The following STK32B variants were observed in gnomAD, a reference collection of about 807,000 sequenced individuals.
STK32B encodes the protein serine/threonine-protein kinase 32B.
A neutral mutation model predicts 52.6 loss-of-function variants in STK32B; 43 were observed. That is an observed-to-expected ratio of 0.82 (90% CI 0.64 to 1.05). The LOEUF is 1.05. STK32B is among the 50% of genes least tolerant of loss of function. STK32B has a pLI of 0.00. For missense variants in STK32B, 621 were observed against 534.6 expected (o/e 1.16, Z -1.59); for synonymous variants, 238 against 204.3 (o/e 1.17, Z -1.41).
chr4:5,346,703 G>A (rs575678760), intron 4 of STK32B, among the ~76,000 whole-genome samples: 11 of 152,304 alleles, frequency 7.2e-5, no homozygotes, highest in African/African-American at 2.6e-4. Flanking sequence ...TAACAAGGAG[G>A]AGTGCTCACC....
intron 7 of STK32B, among the ~76,000 whole-genome samples, chr4:5,450,011 C>T (rs1046074752): frequency 4.6e-5 from 7 of 152,224 alleles, no homozygotes; most frequent in East Asian, 1.9e-4. Context: ...AAACCATCCC[C>T]GCAACCCTAG....
intron 3 of STK32B, among the ~76,000 whole-genome samples, chr4:5,258,886 A>G (rs924698202): frequency 1.3e-5 from 2 of 152,196 alleles, no homozygotes; most frequent in Admixed American, 1.3e-4. Flanking sequence ...GGTAAAGCTG[A>G]ATTTCCAGCA....
At chr4:5,110,272 CA>C (rs367760309) in intron 1 of STK32B, among the ~76,000 whole-genome samples, 41,788 of 106,500 alleles carry the variant, frequency 0.39, 6,821 homozygotes, top group South Asian at 0.45. Flanking sequence ...CATATGGAAC[CA>C]AAAAAAAAAA....
chr4:5,119,366 G>A (rs962874254), intron 1 of STK32B, among the ~76,000 whole-genome samples: 2 of 152,200 alleles, frequency 1.3e-5, no homozygotes, highest in African/African-American at 2.4e-5. Flanking sequence ...TCCCACCAAC[G>A]GGGCTTTAGA....
At position 5,400,333 on chromosome 4, in the gene STK32B, C is replaced by T. The variant is rs1737209339; in HGVS notation, c.472+2089C>T. On this transcript the variant is annotated intron_variant, in intron 5 of 11. Transcript: ENST00000282908. This position sits in a 1 kb window ranked among gnomAD's most constrained non-coding sequence, Gnocchi z 6.1. ...TTCTGTACCCATTCTCAGCCTCCAC[C>T]TCAGCCTTCCCCACATTCTTTCTGC... Among the ~76,000 whole-genome samples the T allele has an allele frequency of 6.6e-6, 1 of 152,172 alleles. No homozygotes were observed. Among genetic ancestry groups the T allele is most frequent in the Non-Finnish European group, 1.5e-5 (1 of 68,030 alleles).
chr4:5,276,820 T>G (rs1489498716), intron 3 of STK32B, among the ~76,000 whole-genome samples: 4 of 152,104 alleles, frequency 2.6e-5, no homozygotes, highest in African/African-American at 9.7e-5. Flanking sequence ...CAGTTTCCGC[T>G]TCTTCTCTGT....
intron 11 of STK32B, among the ~76,000 whole-genome samples, chr4:5,472,591 T>A (rs1336078197): frequency 1.3e-5 from 2 of 152,164 alleles, no homozygotes; most frequent in Non-Finnish European, 2.9e-5. Context: ...CCAAGAGGTC[T>A]TTTCAATAGC....
At chr4:5,247,510 C>T (rs1209138065) in intron 3 of STK32B, among the ~76,000 whole-genome samples, 1 of 152,168 alleles carries the variant, frequency 6.6e-6, no homozygotes, top group East Asian at 1.9e-4. Flanking sequence ...TCCCTGACCC[C>T]TTGCACTTCT....
chr4:5,245,733 GT>G (rs1212677499), intron 3 of STK32B, among the ~76,000 whole-genome samples: 2 of 152,146 alleles, frequency 1.3e-5, no homozygotes, highest in African/African-American at 4.8e-5. Flanking sequence ...TCCATGTTTA[GT>G]GCTTCCTTCA....
chr4:5,371,032 ATG>A (rs1408727928), intron 4 of STK32B, among the ~76,000 whole-genome samples: 4 of 150,442 alleles, frequency 2.7e-5, no homozygotes, highest in East Asian at 2.0e-4. Flanking sequence ...GTGTATATAT[ATG>A]TATATATATG....
In STK32B at chr4:5,168,418, A is replaced by T. The variant is rs1218432857; in HGVS notation, c.228A>T (p.Gln76His). Residue 76 changes from glutamine (Q) to histidine (H), a missense_variant, in exon 3 of 12, where the codon CAA (glutamine) becomes CAT (histidine). Gln to His is a conservative substitution (Grantham distance 24, BLOSUM62 0). Transcript: ENST00000282908. Reference sequence around the variant, plus strand: ...TTTTCCGGGAGCTGCAGATCATGCAAGGGCTGGAGCACCCCTTCCTGGTCA... The same window carrying T: ...TTTTCCGGGAGCTGCAGATCATGCATGGGCTGGAGCACCCCTTCCTGGTCA... ...RNVFRELQIM[Q>H]GLEHPFLVNL... is the part of the protein sequence containing the mutation. 16 of 1,613,676 alleles carry T rather than the reference A, an allele frequency of 9.9e-6. 1 individual carries two copies. The highest frequency in any genetic ancestry group is 1.4e-5 in the Non-Finnish European group (16 of 1,179,908).
chr4:5,497,749 A>G (rs1178462393), intron 11 of STK32B, among the ~76,000 whole-genome samples: 1 of 152,148 alleles, frequency 6.6e-6, no homozygotes, highest in Non-Finnish European at 1.5e-5. Context: ...TGACCTGTCT[A>G]AGGGCATAGA....
At chr4:5,403,009 A>G (rs916936826) in intron 5 of STK32B, among the ~76,000 whole-genome samples, 1 of 152,206 alleles carries the variant, frequency 6.6e-6, no homozygotes, top group Non-Finnish European at 1.5e-5. Context: ...GCAGCTGGCA[A>G]TGCAGCAGCC....
At chr4:5,491,681 A>G (rs572067811) in intron 11 of STK32B, among the ~76,000 whole-genome samples, 2 of 152,134 alleles carry the variant, frequency 1.3e-5, no homozygotes, top group South Asian at 4.2e-4. Flanking sequence ...GGTAATGCCT[A>G]GGTTTTCTTC....
At chr4:5,234,049 CTT>C (rs1577223771) in intron 3 of STK32B, among the ~76,000 whole-genome samples, 1 of 152,058 alleles carries the variant, frequency 6.6e-6, no homozygotes, top group East Asian at 1.9e-4. Flanking sequence ...TCTGACCTGA[CTT>C]AGCTGACCTC....
intron 3 of STK32B, among the ~76,000 whole-genome samples, chr4:5,188,608 G>T (rs1287676464): frequency 2.0e-5 from 3 of 152,068 alleles, no homozygotes; most frequent in Non-Finnish European, 2.9e-5. Context: ...TCTTAAAATT[G>T]TAAGCTGCTC....
chr4:5,407,057 CAT>C (rs1737729566), intron 5 of STK32B, among the ~76,000 whole-genome samples: 2 of 152,134 alleles, frequency 1.3e-5, no homozygotes, highest in East Asian at 3.8e-4. Context: ...TGAATATAAA[CAT>C]AGGCTGTTAG....
chr4:5,494,942 TC>T (rs1447572080), intron 11 of STK32B, among the ~76,000 whole-genome samples: 2 of 152,218 alleles, frequency 1.3e-5, no homozygotes, highest in Non-Finnish European at 2.9e-5. Context: ...TGCCTAGCGA[TC>T]AGCTGTTAGT....
chr4:5,157,997 AGGTT>A (rs1347071342), intron 2 of STK32B, among the ~76,000 whole-genome samples: 36 of 152,182 alleles, frequency 2.4e-4, no homozygotes, highest in African/African-American at 7.5e-4. Context: ...CATATGAATT[AGGTT>A]GTGTTTGGCT....
Sources: gnomAD v4.1 joint callset for allele counts (sites outside exome capture counted in the v4.1 genomes callset) on GRCh38, gnomAD v4.1.1 for gene constraint, Gnocchi (gnomAD v3.1) non-coding constraint, MANE v1.5 for transcripts, NCBI Gene and HGNC (gene_info 2026-07-23, HGNC 2026-07-21) for gene names.